PKD1L3: variants seen among roughly 807,000 people sequenced by gnomAD.
PKD1L3 encodes the protein polycystin 1 like 3, transient receptor potential channel interacting.
A neutral mutation model predicts 184.1 loss-of-function variants in PKD1L3; 239 were observed. The observed-to-expected ratio is 1.30, with a 90% confidence interval of 1.17 to 1.45. The LOEUF (loss-of-function observed/expected upper bound fraction) is 1.45. Ranked by LOEUF, PKD1L3 falls within the 40% of genes most tolerant of loss-of-function variation. The pLI is 0.00. For synonymous variants in PKD1L3, 996 were observed against 778.8 expected (o/e 1.28, Z -4.64); for missense variants, 2,660 against 2,067.2 (o/e 1.29, Z -5.56).
At chr16:71,987,365 C>T (rs958525552) in intron 4 of PKD1L3, among the ~76,000 whole-genome samples, 1 of 151,822 alleles carries the variant, frequency 6.6e-6, no homozygotes, top group South Asian at 2.1e-4. Flanking sequence ...GGACTACAGG[C>T]ACACACCACC....
intron 3 of PKD1L3, among the ~76,000 whole-genome samples, chr16:71,991,653 C>T (rs1007806706): frequency 9.2e-5 from 14 of 152,052 alleles, no homozygotes; most frequent in Admixed American, 2.0e-4. Context: ...CAATATGGCA[C>T]GTAGATATCT....
chr16:71,986,906 A>C (rs1186821613), intron 4 of PKD1L3, among the ~76,000 whole-genome samples: 1 of 140,782 alleles, frequency 7.1e-6, no homozygotes, highest in Non-Finnish European at 1.5e-5. Context: ...TTCAGTGGTA[A>C]GGAGAGGATT....
chr16:71,947,253 G>A (rs749150267), intron 22 of PKD1L3, among the ~76,000 whole-genome samples: 9 of 152,006 alleles, frequency 5.9e-5, no homozygotes, highest in African/African-American at 1.2e-4. Flanking sequence ...GTGAAACTCC[G>A]TCTCAAAAAA....
chr16:71,971,463 T>C (rs892387108), intron 12 of PKD1L3, among the ~76,000 whole-genome samples: 5 of 152,188 alleles, frequency 3.3e-5, no homozygotes, highest in African/African-American at 9.6e-5. Context: ...CCCAATCTAG[T>C]CTGCCTTTGG....
At chr16:71,995,950 A>C (rs2040769493) in intron 2 of PKD1L3, among the ~76,000 whole-genome samples, 2 of 152,298 alleles carry the variant, frequency 1.3e-5, no homozygotes, top group South Asian at 4.1e-4. Context: ...GATAGGTGGG[A>C]AAGGGTATCT....
intron 13 of PKD1L3, among the ~76,000 whole-genome samples, chr16:71,969,471 C>CT (rs71391427): frequency 0.13 from 15,769 of 117,332 alleles, 1,318 homozygotes; most frequent in African/African-American, 0.17. Context: ...ATGCCAGGCT[C>CT]TTTTTTTTTT....
chr16:71,935,350 C>A lies in PKD1L3; in HGVS notation c.4613+8G>T. The A allele has an allele frequency of 6.5e-7, 1 of 1,550,176 alleles. No homozygotes were observed. The highest frequency in any genetic ancestry group is 8.7e-7 in the Non-Finnish European group (1 of 1,146,192). On this transcript the variant is annotated splice_region_variant and intron_variant, in intron 26 of 29. Transcript: ENST00000620267. Reference sequence around the variant, plus strand: ...GGAATATGCTGTGCCCCTCAGGCTTCCTCTCACCTGTCCTGGTCATCGCGG... The same window carrying A: ...GGAATATGCTGTGCCCCTCAGGCTTACTCTCACCTGTCCTGGTCATCGCGG...
intron 9 of PKD1L3, among the ~76,000 whole-genome samples, chr16:71,978,689 A>C (rs1045475759): frequency 1.3e-5 from 2 of 151,422 alleles, no homozygotes; most frequent in African/African-American, 4.9e-5. Flanking sequence ...ACAGGTGCAC[A>C]CCACCATGCC....
At chr16:71,995,285 C>A (rs189970643) in intron 2 of PKD1L3, among the ~76,000 whole-genome samples, 2 of 79,342 alleles carry the variant, frequency 2.5e-5, no homozygotes, top group Non-Finnish European at 4.5e-5. Flanking sequence ...TAAAGCCCCA[C>A]GTCTTAATGC....
intron 25 of PKD1L3, among the ~76,000 whole-genome samples, chr16:71,936,330 G>A (rs1597279143): frequency 6.6e-6 from 1 of 150,498 alleles, no homozygotes; most frequent in East Asian, 2.0e-4. Flanking sequence ...AGTCTCCCGA[G>A]TAGCTGGGAC....
chr16:71,962,501 T>G (rs2039319603), intron 16 of PKD1L3, among the ~76,000 whole-genome samples: 1 of 152,146 alleles, frequency 6.6e-6, no homozygotes, highest in African/African-American at 2.4e-5. Flanking sequence ...CATCTTTGCA[T>G]TTTTTGAGAT....
At chr16:71,948,878 T>C (rs1490355967) in intron 21 of PKD1L3, among the ~76,000 whole-genome samples, 1 of 150,172 alleles carries the variant, frequency 6.7e-6, no homozygotes, top group East Asian at 2.0e-4. Context: ...TAGAGTTGTA[T>C]ATCCACCACT....
chr16:71,939,040 C>G (rs113808020), intron 24 of PKD1L3, among the ~76,000 whole-genome samples: 3 of 152,360 alleles, frequency 2.0e-5, no homozygotes, highest in African/African-American at 7.2e-5. Context: ...TGAGCCAGGG[C>G]TGTGACACCC....
intron 19 of PKD1L3, among the ~76,000 whole-genome samples, chr16:71,950,613 G>A (rs9932715): frequency 0.041 from 6,260 of 152,070 alleles, 416 homozygotes; most frequent in African/African-American, 0.14. Context: ...CAGTATTTGA[G>A]AATCCATAAA....
chr16:71,949,683 G>A, intron 21 of PKD1L3, 100 bp downstream of exon 21: 1 of 1,105,472 alleles, frequency 9.0e-7, no homozygotes, highest in Non-Finnish European at 1.3e-6. Flanking sequence ...TGTTGTTTAT[G>A]TTACATTGTC....
intron 6 of PKD1L3, among the ~76,000 whole-genome samples, chr16:71,982,796 A>G (rs8061657): frequency 0.76 from 115,571 of 151,660 alleles, 44,222 homozygotes; most frequent in South Asian, 0.86. Context: ...GGCTCACTGT[A>G]TTGCCCAGGC....
rs1462511086 is a variant in PKD1L3 at position 71,999,869 on chromosome 16, A to G, written c.110T>C (p.Leu37Pro). The change falls in exon 1 of 30, where the codon CTT becomes CCT. Residue 37 changes from leucine (L) to proline (P), a missense_variant. Leu to Pro is a moderately conservative substitution (Grantham distance 98). Coordinates refer to ENST00000620267, the MANE Select transcript of PKD1L3 (RefSeq NM_181536.2). Reference sequence around the variant, plus strand: ...CTCAAAGCTGCATTGAAATCTGTTAAGCTGGTAACAATTATTTTGCCCATG... The same window carrying G: ...CTCAAAGCTGCATTGAAATCTGTTAGGCTGGTAACAATTATTTTGCCCATG... ...APHGQNNCYQLNRFQCSFEEA... is the reference protein window; with the variant it reads ...APHGQNNCYQPNRFQCSFEEA... The G allele has an allele frequency of 6.4e-7, 1 of 1,551,774 alleles. No homozygotes were observed. The highest frequency in any genetic ancestry group is 1.2e-5 in the South Asian group (1 of 84,064).
chr16:71,972,950 G>T lies in PKD1L3; in HGVS notation c.1953+374C>A, dbSNP rs116419495. Among the ~76,000 whole-genome samples the T allele has an allele frequency of 2.0e-3, 307 of 152,334 alleles. 1 individual carries two copies. The highest frequency in any genetic ancestry group is 6.7e-3 in the African/African-American group (280 of 41,590). ...TGGCCTGGAACGTAAAAGAATCTGA[G>T]AATGTATTTCTTGAGCTATGAAAGT... is the stretch of plus-strand genomic sequence containing the variant. On this transcript the variant is annotated intron_variant, in intron 12 of 29. Coordinates refer to ENST00000620267, the MANE Select transcript of PKD1L3 (RefSeq NM_181536.2).
intron 14 of PKD1L3, among the ~76,000 whole-genome samples, 200 bp from the exon 15 acceptor site, chr16:71,967,515 A>C (rs140967747): frequency 0.017 from 2,560 of 152,238 alleles, 36 homozygotes; most frequent in Non-Finnish European, 0.028. Context: ...CCCAGGCTGG[A>C]GTGCAGTGGT....
Sources: allele counts gnomAD v4.1 joint callset (sites outside exome capture counted in the v4.1 genomes callset), GRCh38; gene constraint gnomAD v4.1.1; transcripts MANE v1.5; gene names NCBI Gene and HGNC (gene_info 2026-07-23, HGNC 2026-07-21).